STRN: variants seen among roughly 807,000 people sequenced by gnomAD.
STRN encodes the protein protein phosphatase 2 regulatory subunit B'''alpha.
Under a neutral mutation model 96.3 loss-of-function variants are expected in STRN, and 53 were observed. That is an observed-to-expected ratio of 0.55 (90% CI 0.44 to 0.69). The LOEUF is 0.69. Among genes scored for constraint, STRN ranks in the 30% least tolerant of loss-of-function variants. The pLI, the probability that STRN is intolerant of heterozygous loss-of-function variation, is 0.00. For synonymous variants in STRN, 428 were observed against 355.9 expected (o/e 1.20, Z -2.28); for missense variants, 987 against 963.9 (o/e 1.02, Z -0.32).
chr2:36,865,052 T>C (rs1668587837), intron 12 of STRN, among the ~76,000 whole-genome samples: 1 of 152,196 alleles, frequency 6.6e-6, no homozygotes, highest in African/African-American at 2.4e-5. Context: ...TTAGTAGGAA[T>C]GGCGCCAGTT....
At chr2:36,901,682 A>G (rs193120796) in intron 5 of STRN, among the ~76,000 whole-genome samples, 83 of 152,276 alleles carry the variant, frequency 5.5e-4, no homozygotes, top group African/African-American at 1.9e-3. Context: ...CATGCCTTAC[A>G]TTTACAAATA....
intron 3 of STRN, among the ~76,000 whole-genome samples, chr2:36,908,337 G>A (rs138592345): frequency 8.2e-4 from 125 of 152,192 alleles, no homozygotes; most frequent in Admixed American, 9.2e-4. Flanking sequence ...GCAAATCAAT[G>A]GAATACTACT....
chr2:36,954,847 T>C (rs1376444851), intron 1 of STRN, among the ~76,000 whole-genome samples: 3 of 151,980 alleles, frequency 2.0e-5, no homozygotes, highest in Non-Finnish European at 4.4e-5. Context: ...CCATGTTAGC[T>C]GGGCTGGTCT....
At chr2:36,950,931 A>C (rs1186778087) in intron 1 of STRN, among the ~76,000 whole-genome samples, 1 of 152,174 alleles carries the variant, frequency 6.6e-6, no homozygotes. Flanking sequence ...CATTTATATT[A>C]TTTATTTTAA....
chr2:36,942,634 C>T (rs1030021545), intron 1 of STRN, among the ~76,000 whole-genome samples: 1 of 152,144 alleles, frequency 6.6e-6, no homozygotes, highest in Admixed American at 6.5e-5. Flanking sequence ...GACAATACCA[C>T]GAACAAGGTA....
intron 11 of STRN, among the ~76,000 whole-genome samples, 159 bp downstream of exon 11, chr2:36,869,395 T>C (rs565157372): frequency 3.3e-5 from 5 of 152,302 alleles, no homozygotes; most frequent in Admixed American, 1.3e-4. Context: ...TAACCTAGCA[T>C]TAGGTTGTAT....
At chr2:36,926,313 G>A (rs1670408012) in intron 1 of STRN, among the ~76,000 whole-genome samples, 1 of 152,264 alleles carries the variant, frequency 6.6e-6, no homozygotes, top group South Asian at 2.1e-4. Context: ...TTGTTAAAGT[G>A]ACTCATAATA....
At chr2:36,851,177 T>C in intron 15 of STRN, 70 bp from the exon 16 acceptor site, 1 of 1,375,840 alleles carries the variant, frequency 7.3e-7, no homozygotes, top group Admixed American at 1.8e-5. Flanking sequence ...AGAACTGAAT[T>C]ATCTATCTAA....
At chr2:36,866,674 G>C (rs535567690) in intron 12 of STRN, among the ~76,000 whole-genome samples, 3 of 152,234 alleles carry the variant, frequency 2.0e-5, no homozygotes, top group Admixed American at 1.3e-4. Flanking sequence ...AAATCTTTTT[G>C]ACAGTCTCTA....
At chr2:36,891,353 C>G (rs1669392018) in intron 7 of STRN, among the ~76,000 whole-genome samples, 1 of 152,042 alleles carries the variant, frequency 6.6e-6, no homozygotes, top group Non-Finnish European at 1.5e-5. Context: ...ATGGTGAAAC[C>G]CTGTCTCTAC....
At chr2:36,854,097 A>G (rs1668285014) in intron 15 of STRN, among the ~76,000 whole-genome samples, 1 of 152,220 alleles carries the variant, frequency 6.6e-6, no homozygotes, top group Non-Finnish European at 1.5e-5. Flanking sequence ...ATTAACCTGC[A>G]GTCATTAAAA....
chr2:36,851,209 C>A, intron 15 of STRN, 102 bp from the exon 16 acceptor site: 1 of 1,022,510 alleles, frequency 9.8e-7, no homozygotes, highest in Non-Finnish European at 1.4e-6. Flanking sequence ...AGTAGGCCGG[C>A]CGCGGTGGCT....
chr2:36,956,547 A>G (rs1664893054), intron 1 of STRN, among the ~76,000 whole-genome samples: 1 of 152,194 alleles, frequency 6.6e-6, no homozygotes, highest in Non-Finnish European at 1.5e-5. Context: ...TGCTACACAC[A>G]TTAGCAAATC....
chr2:36,853,312 C>A (rs1364627422), intron 15 of STRN, among the ~76,000 whole-genome samples: 1 of 152,150 alleles, frequency 6.6e-6, no homozygotes, highest in Admixed American at 6.5e-5. Flanking sequence ...TTGAGCAACA[C>A]CCGTGGTAAA....
In STRN at chr2:36,845,980, C is replaced by G. The variant is rs1422982680; in HGVS notation, c.*3476G>C. ...ACTCTCTCTCTCTCTCTGTGCCCCC[C>G]CTCCCACCCCCTCCCCAAACTCAAT... On this transcript the variant is annotated 3_prime_UTR_variant, in exon 18 of 18. Transcript: ENST00000263918. 8.0e-6 allele frequency: 1 copy of G among 124,290 alleles called. No individual in the cohort carries two copies. The highest frequency in any genetic ancestry group is 2.9e-5 in the African/African-American group (1 of 34,194). 7.7% of individuals were successfully genotyped at this position (124,290 alleles called of 1,614,324 possible). A position where few individuals can be genotyped will look rare whatever the true frequency, so the allele number is the denominator to read the frequency against.
chr2:36,902,980 C>T (rs1158733147), intron 4 of STRN: 1 of 282,042 alleles, frequency 3.5e-6, no homozygotes, highest in African/African-American at 2.2e-5. Flanking sequence ...TACAATACAC[C>T]ATTCATTACA....
intron 15 of STRN, among the ~76,000 whole-genome samples, chr2:36,854,408 A>G (rs546234660): frequency 6.6e-6 from 1 of 152,332 alleles, no homozygotes; most frequent in South Asian, 2.1e-4. Context: ...AAGTCTCAGC[A>G]TATCAGAAGA....
intron 1 of STRN, among the ~76,000 whole-genome samples, chr2:36,944,003 C>G (rs533017114): frequency 6.6e-6 from 1 of 151,874 alleles, no homozygotes; most frequent in Non-Finnish European, 1.5e-5. Context: ...ACCTGTAATC[C>G]CAGCTACTTG....
At chr2:36,866,803 T>C (rs1668640749) in intron 12 of STRN, among the ~76,000 whole-genome samples, 1 of 152,236 alleles carries the variant, frequency 6.6e-6, no homozygotes, top group African/African-American at 2.4e-5. Context: ...TTACTGATCT[T>C]TGTTGGTTTA....
Sources: allele counts gnomAD v4.1 joint callset (sites outside exome capture counted in the v4.1 genomes callset), GRCh38; gene constraint gnomAD v4.1.1; transcripts MANE v1.5; gene names NCBI Gene and HGNC (gene_info 2026-07-23, HGNC 2026-07-21).